The following OSBPL2 variants were observed in gnomAD, a reference collection of about 807,000 sequenced individuals.
OSBPL2 encodes the protein oxysterol binding protein like 2.
OSBPL2 carries 18 observed loss-of-function variants against 58.4 expected under a neutral mutation model. The observed-to-expected ratio is 0.31, with a 90% confidence interval of 0.21 to 0.46. The LOEUF (loss-of-function observed/expected upper bound fraction) is 0.46, where lower values mean the gene tolerates loss of function less well. OSBPL2 is among the 20% of genes least tolerant of loss of function. The pLI is 1.00. For synonymous variants in OSBPL2, 221 were observed against 234.1 expected (o/e 0.94, Z 0.51); for missense variants, 461 against 616.5 (o/e 0.75, Z 2.67).
chr20:62,280,129 C>G, intron 7 of OSBPL2: 2 of 1,302,316 alleles, frequency 1.5e-6, no homozygotes, highest in South Asian at 1.2e-5. Flanking sequence ...AGACGTGAGT[C>G]TTGCCAAGCC....
In OSBPL2 at chr20:62,281,892, C is replaced by A; in HGVS notation, c.872+13C>A. ...TTCAAGACAAAAAGTAGGTCCTTGC[C>A]AAGTGTTCATGGGGCACCACTACAG... On this transcript the variant is annotated intron_variant, in intron 9 of 13. Coordinates refer to ENST00000313733, the MANE Select transcript of OSBPL2 (RefSeq NM_144498.4). 3 of 1,581,840 alleles carry A rather than the reference C, an allele frequency of 1.9e-6. No homozygotes were observed. The highest frequency in any genetic ancestry group is 2.6e-6 in the Non-Finnish European group (3 of 1,150,952).
rs146242477 is a variant in OSBPL2, at chr20:62,279,530, A to G, written c.674+191A>G. ...TCCCGTGTTGCTGGGGTGCGTCCTC[A>G]CGTCTGCAGTTGGAATTCGCCCCCC... On this transcript the variant is annotated intron_variant, in intron 7 of 13. Coordinates refer to ENST00000313733, the MANE Select transcript of OSBPL2 (RefSeq NM_144498.4). 4.9e-3 allele frequency: 2,923 copies of G among 597,772 alleles called. 11 individuals carry two copies. Among genetic ancestry groups the G allele is most frequent in the Non-Finnish European group, 6.1e-3 (2,075 of 342,396 alleles). The allele number at this position is 597,772 out of a possible 1,614,324, so 37.0% of individuals were successfully genotyped here.
intron 4 of OSBPL2, among the ~76,000 whole-genome samples, chr20:62,266,554 C>T (rs1489526915): frequency 1.3e-5 from 2 of 151,732 alleles, no homozygotes; most frequent in Non-Finnish European, 2.9e-5. Context: ...GGCTGTGGCT[C>T]GTTCTGGATC....
At chr20:62,280,391 C>T (rs563179137) in intron 7 of OSBPL2, among the ~76,000 whole-genome samples, 1 of 152,310 alleles carries the variant, frequency 6.6e-6, no homozygotes, top group East Asian at 1.9e-4. Context: ...AGAAGTTGCA[C>T]ACCTTGCTGA....
rs1239183903 is a variant in OSBPL2 at position 62,260,636 on chromosome 20, C to T, written c.182+511C>T. Among the ~76,000 whole-genome samples the T allele has an allele frequency of 1.3e-5, 2 of 152,150 alleles. 1 individual carries two copies. The highest frequency in any genetic ancestry group is 4.1e-4 in the South Asian group (2 of 4,834). ...TAGCAAGACCTCATTCCCTTTCCTCCTCCTCCACGTTCGTTTTCATGTAGG... is the reference window on the plus strand; with the variant it reads ...TAGCAAGACCTCATTCCCTTTCCTCTTCCTCCACGTTCGTTTTCATGTAGG... On this transcript the variant is annotated intron_variant, in intron 3 of 13. Coordinates refer to ENST00000313733, the MANE Select transcript of OSBPL2 (RefSeq NM_144498.4).
intron 1 of OSBPL2, among the ~76,000 whole-genome samples, chr20:62,246,581 C>T (rs1980130420): frequency 6.6e-6 from 1 of 152,186 alleles, no homozygotes; most frequent in African/African-American, 2.4e-5. Context: ...GAAATGCTAG[C>T]TGAGAAGCAT....
intron 1 of OSBPL2, among the ~76,000 whole-genome samples, chr20:62,247,189 G>A (rs1017130851): frequency 6.6e-6 from 1 of 152,238 alleles, no homozygotes; most frequent in African/African-American, 2.4e-5. Context: ...ATGCTGCACC[G>A]GGAACTTCGC....
intron 12 of OSBPL2, 61 bp from the exon 13 acceptor site, chr20:62,291,642 G>T (rs1044971062): frequency 2.2e-6 from 3 of 1,350,538 alleles, no homozygotes; most frequent in Non-Finnish European, 3.2e-6. Context: ...AGGTGCATAG[G>T]GGGTGGCGGG....
chr20:62,267,324 C>T (rs1283660457), intron 4 of OSBPL2, among the ~76,000 whole-genome samples: 1 of 152,230 alleles, frequency 6.6e-6, no homozygotes, highest in Admixed American at 6.5e-5. Context: ...GCTGTGCCAA[C>T]ATGATCACCC....
intron 1 of OSBPL2, among the ~76,000 whole-genome samples, chr20:62,247,669 CTTT>C (rs768433967): frequency 7.1e-5 from 10 of 141,038 alleles, no homozygotes; most frequent in Admixed American, 7.2e-5. Flanking sequence ...TTCTTTCTTT[CTTT>C]TTTTTTTTTT....
rs369764551 is a variant in OSBPL2, at chr20:62,271,018, C to T, written c.259-1107C>T. Among the ~76,000 whole-genome samples the T allele has an allele frequency of 2.6e-4, 40 of 151,446 alleles. No homozygotes were observed. The East Asian group carries it at 7.1e-3, about 27-fold the overall frequency. The stretch of plus-strand genomic sequence containing the variant: ...CCTCTCTGGCCTCTCTGGGTCCTTT[C>T]CTTGTCCCTTTCTGGTCTCTCTGGT... On this transcript the variant is annotated intron_variant, in intron 4 of 13. Transcript: ENST00000313733.
intron 4 of OSBPL2, among the ~76,000 whole-genome samples, chr20:62,265,578 G>A (rs937632082): frequency 3.3e-5 from 5 of 152,172 alleles, no homozygotes; most frequent in African/African-American, 1.2e-4. Flanking sequence ...AGGTATCATT[G>A]CCTGCAGGCC....
rs763694377 is a variant in OSBPL2, at chr20:62,289,351, G to A, written c.1249+21G>A. 32 of 1,609,546 alleles carry A rather than the reference G, an allele frequency of 2.0e-5. No individual in the cohort carries two copies. In the African/African-American group the frequency reaches 4.1e-4, roughly 21 times the overall value. On this transcript the variant is annotated intron_variant, in intron 12 of 13. Transcript: ENST00000313733. ...CATGGGTGCGTCCACGCAGTCAGAG[G>A]AGGAAGCTTGGGGCCAAGGACGCCC...
At chr20:62,248,155 C>CTTTTTTTTTTTTTTTTTTTTTTTTT (rs11470491) in intron 1 of OSBPL2, among the ~76,000 whole-genome samples, 2 of 118,848 alleles carry the variant, frequency 1.7e-5, no homozygotes, top group Non-Finnish European at 3.4e-5. Flanking sequence ...CTTTTCTTTT[C>CTTTTTTTTTTTTTTTTTTTTTTTTT]TTTTTTTTTT....
intron 1 of OSBPL2, among the ~76,000 whole-genome samples, chr20:62,247,854 G>A (rs1431610937): frequency 2.6e-5 from 4 of 151,846 alleles, no homozygotes; most frequent in African/African-American, 9.7e-5. Context: ...TAGTAGAGAT[G>A]GAGTTTCACC....
chr20:62,276,209 G>A (rs981270979), intron 6 of OSBPL2, among the ~76,000 whole-genome samples: 4 of 152,152 alleles, frequency 2.6e-5, no homozygotes, highest in African/African-American at 7.2e-5. Context: ...GAGCCACCAC[G>A]CCTGGCCATG....
Position 62,245,942 on chromosome 20 carries a change from A to T in OSBPL2, c.-129+7345A>T, listed in dbSNP as rs185001297. 2.3e-3 allele frequency among the ~76,000 whole-genome samples: 353 copies of T among 152,346 alleles called. 1 individual carries two copies. Among genetic ancestry groups the T allele is most frequent in the Admixed American group, 5.7e-3 (87 of 15,312 alleles). On this transcript the variant is annotated intron_variant, in intron 1 of 13. Transcript: ENST00000313733. ...TGGCAGAAGGCGTGTTTCAGTGAGC[A>T]CAGACGGAGCAATCCAGGGAGGTCT...
At chr20:62,283,551 C>T (rs1373251360) in intron 9 of OSBPL2, among the ~76,000 whole-genome samples, 1 of 152,126 alleles carries the variant, frequency 6.6e-6, no homozygotes, top group East Asian at 1.9e-4. Context: ...AGGCGGGGAA[C>T]CAAAGATCAA....
chr20:62,265,035 C>T (rs1328947460), intron 4 of OSBPL2, among the ~76,000 whole-genome samples: 1 of 152,192 alleles, frequency 6.6e-6, no homozygotes, highest in Non-Finnish European at 1.5e-5. Context: ...TCAAGTGTCT[C>T]CACTGCAAAG....
Sources: gnomAD v4.1 joint callset for allele counts (sites outside exome capture counted in the v4.1 genomes callset) on GRCh38, gnomAD v4.1.1 for gene constraint, MANE v1.5 for transcripts, NCBI Gene and HGNC (gene_info 2026-07-23, HGNC 2026-07-21) for gene names.